VWA2: variants seen among roughly 807,000 people sequenced by gnomAD.
The protein encoded by VWA2 is von Willebrand factor A domain containing 2, also known as von Willebrand factor A domain-containing protein 2.
A neutral mutation model predicts 70.4 loss-of-function variants in VWA2; 73 were observed. The observed-to-expected ratio is 1.04, with a 90% CI of 0.86 to 1.26. The LOEUF is 1.26. Among genes scored for constraint, VWA2 ranks in the 50% most tolerant of loss-of-function variants. VWA2 has a pLI of 0.00. For synonymous variants in VWA2, 407 were observed against 423.3 expected (o/e 0.96, Z 0.47); for missense variants, 1,011 against 998.5 (o/e 1.01, Z -0.17).
In VWA2 at chr10:114,290,286, T is replaced by C; in HGVS notation, c.2169T>C (p.Asn723=). Residue 723 remains asparagine, a synonymous_variant, in exon 13 of 14, where the codon AAT becomes AAC. Coordinates refer to ENST00000392982, the MANE Select transcript of VWA2 (RefSeq NM_001272046.2). ...TCTGCAAACCCAGCCCGTGCATGAATGAGGGCAGCTGCGTCCTGCAGAATG... is the reference window on the plus strand; with the variant it reads ...TCTGCAAACCCAGCCCGTGCATGAACGAGGGCAGCTGCGTCCTGCAGAATG... ...VNLCKPSPCM[N]EGSCVLQNGS... is the part of the protein sequence containing the mutation. 6.4e-7 allele frequency: 1 copy of C among 1,550,554 alleles called. No individual in the cohort carries two copies. Among genetic ancestry groups the C allele is most frequent in the Non-Finnish European group, 8.7e-7 (1 of 1,146,978 alleles).
intron 11 of VWA2, 41 bp downstream of exon 11, chr10:114,286,552 G>C (rs1385158986): frequency 6.7e-7 from 1 of 1,493,564 alleles, no homozygotes; most frequent in Admixed American, 2.2e-5. Flanking sequence ...TGGTCAGTGG[G>C]CGGGTCCTTC....
At position 114,255,017 on chromosome 10, in the gene VWA2, T is replaced by C. The variant is rs1421197186; in HGVS notation, c.230T>C (p.Val77Ala). The change falls in exon 4 of 14, where the codon GTC (valine) becomes GCC (alanine). Residue 77 changes from valine to alanine, a missense_variant. Physicochemically the swap from Val to Ala is moderately conservative, Grantham distance 64 (BLOSUM62 0). Coordinates refer to ENST00000392982, the MANE Select transcript of VWA2 (RefSeq NM_001272046.2). Reference sequence around the variant, plus strand: ...AGGTCCAAGCACTTTGCCATCACAGTCTGTGACGGTCTGGACATCAGCCCC... The same window carrying C: ...AGGTCCAAGCACTTTGCCATCACAGCCTGTGACGGTCTGGACATCAGCCCC... ...FERSKHFAIT[V>A]CDGLDISPER... 1 of 1,612,548 alleles carries C rather than the reference T, an allele frequency of 6.2e-7. No homozygotes were observed. Among genetic ancestry groups the C allele is most frequent in the Non-Finnish European group, 8.5e-7 (1 of 1,179,906 alleles).
rs1014320004 is a variant in VWA2, at chr10:114,290,498, C to T, written c.2248+133C>T. 6.0e-5 allele frequency: 78 copies of T among 1,302,664 alleles called. 1 individual carries two copies. The highest frequency in any genetic ancestry group is 5.7e-4 in the African/African-American group (39 of 68,218). The allele number at this position is 1,302,664 out of a possible 1,614,324, so 80.7% of individuals were successfully genotyped here. On this transcript the variant is annotated intron_variant, in intron 13 of 13. Coordinates refer to ENST00000392982, the MANE Select transcript of VWA2 (RefSeq NM_001272046.2). Reference sequence around the variant, plus strand: ...AAGAAATTATTCAGTCGTTTACCCACGAAACATTTAGTGAGTACCTCCTGC... The same window carrying T: ...AAGAAATTATTCAGTCGTTTACCCATGAAACATTTAGTGAGTACCTCCTGC...
intron 3 of VWA2, 72 bp downstream of exon 3, chr10:114,253,797 T>A: frequency 7.1e-7 from 1 of 1,417,448 alleles, no homozygotes. Flanking sequence ...ATGAGAACCA[T>A]GTTCTTCCAG....
chr10:114,282,482 G>T (rs1459213778), intron 8 of VWA2, 34 bp from the exon 9 acceptor site: 11 of 1,592,638 alleles, frequency 6.9e-6, no homozygotes, highest in Non-Finnish European at 9.5e-6. Flanking sequence ...TTACACCTCT[G>T]ATCTGTCTAT....
intron 1 of VWA2, chr10:114,246,831 G>A: frequency 1.2e-6 from 1 of 865,716 alleles, no homozygotes; most frequent in East Asian, 2.5e-5. Flanking sequence ...AGCGCTACAA[G>A]AAATATTTGT....
intron 4 of VWA2, among the ~76,000 whole-genome samples, 181 bp downstream of exon 4, chr10:114,255,229 C>G (rs1241736818): frequency 7.0e-6 from 1 of 142,874 alleles, no homozygotes; most frequent in Non-Finnish European, 1.5e-5. Context: ...GCATCTTTTT[C>G]TTTTTTTTTT....
intron 3 of VWA2, among the ~76,000 whole-genome samples, 189 bp from the exon 4 acceptor site, chr10:114,254,726 A>G (rs1288569466): frequency 6.6e-6 from 1 of 152,186 alleles, no homozygotes; most frequent in Non-Finnish European, 1.5e-5. Context: ...GTAAGGGCAC[A>G]TTTGTGAGCA....
intron 2 of VWA2, among the ~76,000 whole-genome samples, chr10:114,252,951 C>T (rs895865434): frequency 2.0e-5 from 3 of 151,862 alleles, no homozygotes; most frequent in Non-Finnish European, 2.9e-5. Flanking sequence ...CTCCTGGGCT[C>T]TGCCCCTCTA....
intron 4 of VWA2, among the ~76,000 whole-genome samples, chr10:114,256,850 C>T (rs928227765): frequency 7.1e-6 from 1 of 140,154 alleles, no homozygotes; most frequent in African/African-American, 2.7e-5. Context: ...GCAGAGGTTG[C>T]AGTGAGCTGA....
intron 3 of VWA2, among the ~76,000 whole-genome samples, 160 bp from the exon 4 acceptor site, chr10:114,254,755 T>C (rs940635565): frequency 6.6e-6 from 1 of 152,232 alleles, no homozygotes; most frequent in African/African-American, 2.4e-5. Flanking sequence ...GTGGTGCGTG[T>C]GCTTCCTGCT....
rs1442815527 is a variant in VWA2, at chr10:114,284,849, C to T, written c.890-14C>T. On this transcript the variant is annotated splice_polypyrimidine_tract_variant and intron_variant, in intron 9 of 13. Transcript: ENST00000392982. ...GCTGCGGTGCTTAGCGGTTAATGGG[C>T]ATCTCTCTGATAGGCCCCTGTGACT... is the stretch of plus-strand genomic sequence containing the variant. The T allele has an allele frequency of 3.1e-6, 5 of 1,599,772 alleles. No individual in the cohort carries two copies. In the South Asian group the frequency reaches 3.4e-5, roughly 11 times the overall value.
intron 9 of VWA2, among the ~76,000 whole-genome samples, chr10:114,283,748 A>C (rs2038499637): frequency 6.6e-6 from 1 of 152,248 alleles, no homozygotes; most frequent in South Asian, 2.1e-4. Context: ...GGCACATAAT[A>C]GATGCTCAGT....
At chr10:114,256,035 C>T (rs2037319868) in intron 4 of VWA2, among the ~76,000 whole-genome samples, 1 of 152,172 alleles carries the variant, frequency 6.6e-6, no homozygotes, top group Admixed American at 6.5e-5. Context: ...GGTGCAGCCT[C>T]TAGGGGAGAA....
At chr10:114,256,384 A>C (rs2037328262) in intron 4 of VWA2, among the ~76,000 whole-genome samples, 1 of 152,196 alleles carries the variant, frequency 6.6e-6, no homozygotes, top group African/African-American at 2.4e-5. Flanking sequence ...TCTATGTAAA[A>C]GATAAAGGGG....
chr10:114,270,465 C>A (rs2037683797), intron 5 of VWA2, among the ~76,000 whole-genome samples: 1 of 152,184 alleles, frequency 6.6e-6, no homozygotes, highest in Admixed American at 6.5e-5. Flanking sequence ...TATCACTATT[C>A]TCTGAGTGGG....
At position 114,289,294 on chromosome 10, in the gene VWA2, A is replaced by C. The variant is rs763040664; in HGVS notation, c.1927A>C (p.Arg643=). The C allele has an allele frequency of 6.2e-7, 1 of 1,613,608 alleles. No individual in the cohort carries two copies. The highest frequency in any genetic ancestry group is 2.2e-5 in the East Asian group (1 of 44,870). The part of the protein sequence containing the change: ...PKAVVVLTGG[R]GAEDAAVPAQ... ...AGCTGTGGTGGTGCTCACAGGCGGG[A>C]GAGGCGCAGAGGATGCAGCCGTTCC... Residue 643 remains arginine (R), a synonymous_variant, in exon 12 of 14, where the codon AGA becomes CGA. Transcript: ENST00000392982.
intron 2 of VWA2, among the ~76,000 whole-genome samples, chr10:114,250,806 T>A (rs914139380): frequency 1.3e-5 from 2 of 152,194 alleles, no homozygotes; most frequent in Non-Finnish European, 2.9e-5. Flanking sequence ...CTGAAAGAAG[T>A]CTCTGGAGTC....
chr10:114,244,772 C>T (rs2133278759), intron 1 of VWA2, among the ~76,000 whole-genome samples: 1 of 152,372 alleles, frequency 6.6e-6, no homozygotes, highest in South Asian at 2.1e-4. Flanking sequence ...ACTTCAACAT[C>T]ATCGCAATAG....
Sources: gnomAD v4.1 joint callset for allele counts (sites outside exome capture counted in the v4.1 genomes callset) on GRCh38, gnomAD v4.1.1 for gene constraint, MANE v1.5 for transcripts, NCBI Gene and HGNC (gene_info 2026-07-23, HGNC 2026-07-21) for gene names.